The following NPLOC4 variants were observed in gnomAD, a reference collection of about 807,000 sequenced individuals.
NPLOC4 encodes NPL4 homolog, ubiquitin recognition factor.
Under a neutral mutation model 80.6 loss-of-function variants are expected in NPLOC4, and 18 were observed. The ratio of observed to expected loss-of-function variants is 0.22; its 90% confidence interval spans 0.15 to 0.33. The LOEUF is 0.33. NPLOC4 is among the 10% of genes least tolerant of loss of function. The pLI is 1.00. For missense variants in NPLOC4, 540 were observed against 786.1 expected, an observed-to-expected ratio of 0.69 and a Z score of 3.74; for synonymous variants, 313 against 301.5, an observed-to-expected ratio of 1.04 and a Z score of -0.39.
rs9894429 is a variant in NPLOC4, at chr17:81,629,785, C to T, written c.36G>A (p.Pro12=). The T allele has an allele frequency of 0.5, 798,559 of 1,611,098 alleles. 207,066 individuals carry two copies. Among genetic ancestry groups the T allele is most frequent in the African/African-American group, 0.76 (56,931 of 74,920 alleles). ...TTGCTGTGATCCGCTTCACTCCATCCGGGGACTGGACACGAATTATCTGTT... is the reference window on the plus strand; with the variant it reads ...TTGCTGTGATCCGCTTCACTCCATCTGGGGACTGGACACGAATTATCTGTT... The part of the protein sequence containing the change: ...AESIIIRVQS[P]DGVKRITATK... Residue 12 remains proline (P), a synonymous_variant, in exon 2 of 17, where the codon CCG becomes CCA. Transcript: ENST00000331134.
At position 81,636,860 on chromosome 17, in the gene NPLOC4, G is replaced by A. The variant is rs1463395799; in HGVS notation, c.15+56C>T. 7.2e-6 allele frequency: 10 copies of A among 1,387,196 alleles called. No homozygotes were observed. In the African/African-American group the frequency reaches 7.5e-5, roughly 10 times the overall value. 85.9% of individuals were successfully genotyped at this position (1,387,196 alleles called of 1,614,324 possible). A position where few individuals can be genotyped will look rare whatever the true frequency, so the allele number is the denominator to read the frequency against. ...CCCGCCTCCCCCACAGGCCGAGGCC[G>A]GCAAATCTGCTGCCTCATCCCGGCG... On this transcript the variant is annotated intron_variant, in intron 1 of 16. Coordinates refer to ENST00000331134, the MANE Select transcript of NPLOC4 (RefSeq NM_017921.4).
chr17:81,594,364 C>A (rs535975605), intron 11 of NPLOC4, among the ~76,000 whole-genome samples: 7 of 145,274 alleles, frequency 4.8e-5, no homozygotes, highest in Non-Finnish European at 9.0e-5. Flanking sequence ...ACATAATTAA[C>A]GTGTGAAAGA....
At chr17:81,628,237 AAAAG>A (rs1423221652) in intron 2 of NPLOC4, among the ~76,000 whole-genome samples, 6 of 148,176 alleles carry the variant, frequency 4.0e-5, no homozygotes, top group Non-Finnish European at 7.6e-5. Context: ...AAAAAAAAGA[AAAAG>A]AAAATATATC....
intron 1 of NPLOC4, among the ~76,000 whole-genome samples, chr17:81,632,328 C>A (rs1029921954): frequency 2.1e-5 from 3 of 140,020 alleles, no homozygotes; most frequent in Admixed American, 1.4e-4. Context: ...TTTTTTATTT[C>A]TTTTTTTTTT....
intron 12 of NPLOC4, among the ~76,000 whole-genome samples, chr17:81,582,930 C>G (rs939993401): frequency 4.6e-5 from 7 of 152,270 alleles, no homozygotes; most frequent in African/African-American, 1.7e-4. Context: ...TTCGAAGAAA[C>G]ACACAAAAAC....
chr17:81,564,083 AACACACAC>A (rs58774657), intron 16 of NPLOC4: 35 of 274,838 alleles, frequency 1.3e-4, no homozygotes, highest in Middle Eastern at 1.3e-3. Context: ...TCCAGCTCAA[AACACACAC>A]ACACACACAC....
chr17:81,636,884 C>T, intron 1 of NPLOC4, 32 bp downstream of exon 1: 3 of 1,405,516 alleles, frequency 2.1e-6, no homozygotes, highest in Non-Finnish European at 1.9e-6. Flanking sequence ...CTCATCCCGG[C>T]GTCCCCGCTC....
Position 81,604,729 on chromosome 17 carries a change from T to A in NPLOC4, c.655-2A>T. 1 of 1,611,014 alleles carries A rather than the reference T, an allele frequency of 6.2e-7. No individual in the cohort carries two copies. Among genetic ancestry groups the A allele is most frequent in the Non-Finnish European group, 8.5e-7 (1 of 1,178,530 alleles). On this transcript the variant is annotated splice_acceptor_variant, in intron 7 of 16. Transcript: ENST00000331134. LOFTEE classifies it high-confidence loss of function. ...GATATTGTCCACATGCCTGTACTTC[T>A]GTAGAGTTAACAAGAGTGGGCTGAT...
At chr17:81,613,127 T>TAAAA (rs56233095) in intron 4 of NPLOC4, 191 bp downstream of exon 4, 13,655 of 424,570 alleles carry the variant, frequency 0.032, 58 homozygotes, top group East Asian at 0.085. Flanking sequence ...GATAAAAAGC[T>TAAAA]AAAAAAAAAA....
chr17:81,612,855 G>C (rs2035379894), intron 4 of NPLOC4: 2 of 154,172 alleles, frequency 1.3e-5, no homozygotes, highest in Admixed American at 6.5e-5. Context: ...TAGTGTGGCA[G>C]GTCAAAATCA....
At chr17:81,604,294 A>T (rs1473655471) in intron 8 of NPLOC4, among the ~76,000 whole-genome samples, 1 of 152,140 alleles carries the variant, frequency 6.6e-6, no homozygotes, top group Non-Finnish European at 1.5e-5. Flanking sequence ...AGCAGACGAG[A>T]TAAAAACACT....
At chr17:81,614,143 G>A (rs1038218191) in intron 3 of NPLOC4, among the ~76,000 whole-genome samples, 8 of 151,886 alleles carry the variant, frequency 5.3e-5, no homozygotes, top group African/African-American at 1.9e-4. Flanking sequence ...TGGGCGTGGT[G>A]GCGCACGCCT....
chr17:81,617,444 CCAG>C (rs1355741102), intron 3 of NPLOC4, among the ~76,000 whole-genome samples: 2 of 152,060 alleles, frequency 1.3e-5, no homozygotes, highest in Non-Finnish European at 1.5e-5. Context: ...GAGGCTGAGG[CCAG>C]CAGATCACCT....
At chr17:81,624,899 AG>A (rs2035758399) in intron 2 of NPLOC4, among the ~76,000 whole-genome samples, 1 of 152,228 alleles carries the variant, frequency 6.6e-6, no homozygotes, top group Non-Finnish European at 1.5e-5. Context: ...ACAATAAGGA[AG>A]ATGGAAAGAG....
At chr17:81,608,650 G>T (rs138475619) in intron 6 of NPLOC4, 78 bp downstream of exon 6, 3 of 1,013,302 alleles carry the variant, frequency 3.0e-6, no homozygotes, top group African/African-American at 1.6e-5. Flanking sequence ...TCATTCACAC[G>T]TTCACTGGCT....
At chr17:81,616,607 G>A (rs1303640370) in intron 3 of NPLOC4, among the ~76,000 whole-genome samples, 2 of 151,712 alleles carry the variant, frequency 1.3e-5, no homozygotes, top group Non-Finnish European at 2.9e-5. Flanking sequence ...GCAGGTGCCT[G>A]TAGTCCCAGC....
At chr17:81,598,676 G>A (rs988360731) in intron 9 of NPLOC4, among the ~76,000 whole-genome samples, 1 of 152,118 alleles carries the variant, frequency 6.6e-6, no homozygotes, top group Admixed American at 6.5e-5. Context: ...CCTTAGGCCC[G>A]CCTCTGCCTG....
At chr17:81,564,997 C>T (rs887299500) in intron 16 of NPLOC4, 29 of 365,084 alleles carry the variant, frequency 7.9e-5, no homozygotes, top group Middle Eastern at 7.7e-4. Flanking sequence ...AAGGTTCTCA[C>T]GAGTGGGGAA....
intron 9 of NPLOC4, among the ~76,000 whole-genome samples, chr17:81,599,793 T>C (rs1373588385): frequency 1.6e-4 from 25 of 152,246 alleles, no homozygotes; most frequent in Admixed American, 1.6e-3. Context: ...ATCTTCTAAC[T>C]GTTCCATGAA....
Sources: allele counts gnomAD v4.1 joint callset (sites outside exome capture counted in the v4.1 genomes callset), GRCh38; gene constraint gnomAD v4.1.1; transcripts MANE v1.5; gene names NCBI Gene and HGNC (gene_info 2026-07-23, HGNC 2026-07-21).